Variants in DPYD observed in about 807,000 individuals in gnomAD.
DPYD encodes dihydropyrimidine dehydrogenase [NADP(+)].
In DPYD, 109 loss-of-function variants were observed where a neutral mutation model predicts 116.2. The observed-to-expected ratio is 0.94, with a 90% CI of 0.80 to 1.10. The LOEUF is 1.10. Ranked by LOEUF, DPYD falls within the 50% of genes least tolerant of loss-of-function variation. The pLI, the probability that DPYD is intolerant of heterozygous loss-of-function variation, is 0.00. For missense variants in DPYD, 1,302 were observed against 1,254.5 expected, an observed-to-expected ratio of 1.04 and a Z score of -0.57; for synonymous variants, 440 against 432.0, an observed-to-expected ratio of 1.02 and a Z score of -0.23.
chr1:97,495,243 GGA>G (rs1679198941), intron 13 of DPYD, among the ~76,000 whole-genome samples: 1 of 151,972 alleles, frequency 6.6e-6, no homozygotes, highest in African/African-American at 2.4e-5. Flanking sequence ...CAGATAAGCA[GGA>G]GAGAGAGAGA....
chr1:97,401,720 A>T (rs1256015442), intron 14 of DPYD, among the ~76,000 whole-genome samples: 2 of 152,140 alleles, frequency 1.3e-5, no homozygotes, highest in African/African-American at 4.8e-5. Context: ...ATTCAAGATC[A>T]TCTAGGTTTT....
At chr1:97,129,596 C>T (rs895481675) in intron 20 of DPYD, among the ~76,000 whole-genome samples, 4 of 152,094 alleles carry the variant, frequency 2.6e-5, no homozygotes, top group Admixed American at 6.6e-5. Flanking sequence ...CCTTCATTTC[C>T]GTGGCTCTTC....
In DPYD at chr1:97,673,015, C is replaced by T. The variant is rs191624795; in HGVS notation, c.850+6080G>A. Among the ~76,000 whole-genome samples, 7 of 152,230 alleles carry T rather than the reference C, an allele frequency of 4.6e-5. No individual in the cohort carries two copies. The East Asian group carries it at 1.2e-3, about 25-fold the overall frequency. ...TTCTTCTTGAGTATCAGCTTACCCT[C>T]TTCAAGAATCTTAAGTGAGATGCTG... is the stretch of plus-strand genomic sequence containing the variant. On this transcript the variant is annotated intron_variant, in intron 8 of 22. Transcript: ENST00000370192.
intron 10 of DPYD, among the ~76,000 whole-genome samples, chr1:97,582,675 T>C (rs1300005225): frequency 1.3e-5 from 2 of 152,204 alleles, no homozygotes; most frequent in African/African-American, 4.8e-5. Flanking sequence ...CATTCCTTCT[T>C]TTAGTACCTG....
At chr1:97,233,898 C>G (rs1411008044) in intron 19 of DPYD, among the ~76,000 whole-genome samples, 2 of 152,196 alleles carry the variant, frequency 1.3e-5, no homozygotes, top group Non-Finnish European at 2.9e-5. Flanking sequence ...AAGCAGAAGT[C>G]TGCCTCCATT....
intron 19 of DPYD, among the ~76,000 whole-genome samples, chr1:97,222,891 A>G (rs1030993010): frequency 6.6e-6 from 1 of 152,086 alleles, no homozygotes; most frequent in African/African-American, 2.4e-5. Context: ...TTTTTACTAC[A>G]TTTGTTACCC....
chr1:97,541,407 A>T (rs541514667), intron 12 of DPYD, among the ~76,000 whole-genome samples: 1 of 152,352 alleles, frequency 6.6e-6, no homozygotes, highest in African/African-American at 2.4e-5. Flanking sequence ...TGACTGCAGG[A>T]CAAACATAAA....
intron 16 of DPYD, among the ~76,000 whole-genome samples, chr1:97,320,621 G>T (rs1296872528): frequency 1.2e-5 from 1 of 84,306 alleles, no homozygotes; most frequent in Non-Finnish European, 2.4e-5. Flanking sequence ...ATGCTCATGG[G>T]TAGGAAGAGT....
intron 6 of DPYD, among the ~76,000 whole-genome samples, chr1:97,698,002 G>C (rs536141757): frequency 6.6e-6 from 1 of 152,026 alleles, no homozygotes; most frequent in East Asian, 1.9e-4. Flanking sequence ...ATTGTTAATA[G>C]ATTATGTTTT....
chr1:97,183,279 T>C (rs183234925), intron 20 of DPYD, among the ~76,000 whole-genome samples: 2 of 152,096 alleles, frequency 1.3e-5, no homozygotes, highest in Admixed American at 6.6e-5. Flanking sequence ...AAAATTACTT[T>C]TTTGTCCTGT....
intron 15 of DPYD, among the ~76,000 whole-genome samples, chr1:97,377,427 C>A (rs979784407): frequency 1.3e-5 from 2 of 152,092 alleles, no homozygotes; most frequent in African/African-American, 4.8e-5. Flanking sequence ...ACTTATCTAT[C>A]CATCCAAATA....
At chr1:97,125,097 A>C (rs1652733370) in intron 20 of DPYD, among the ~76,000 whole-genome samples, 1 of 152,176 alleles carries the variant, frequency 6.6e-6, no homozygotes, top group Non-Finnish European at 1.5e-5. Flanking sequence ...TAAACTAACA[A>C]GTGGGGAAGA....
At chr1:97,718,610 T>A (rs189310614) in intron 5 of DPYD, among the ~76,000 whole-genome samples, 1 of 152,042 alleles carries the variant, frequency 6.6e-6, no homozygotes, top group Non-Finnish European at 1.5e-5. Flanking sequence ...TGGGATTTTT[T>A]AATTTTAATA....
At chr1:97,752,348 T>C (rs997770797) in intron 3 of DPYD, among the ~76,000 whole-genome samples, 5 of 151,602 alleles carry the variant, frequency 3.3e-5, no homozygotes, top group African/African-American at 1.2e-4. Context: ...TAAATTTAAA[T>C]TCAATTTAAA....
Position 97,549,532 on chromosome 1 carries a change from T to C in DPYD, c.1524+28A>G, listed in dbSNP as rs533171913. The C allele has an allele frequency of 2.2e-4, 354 of 1,611,580 alleles. 3 individuals are homozygous for C. In the South Asian group the frequency reaches 3.6e-3, roughly 16 times the overall value. ...GAAGCACTTATCCATTGGAAAAGAA[T>C]TAAGTGGAAATGATGGCAAATGCCT... On this transcript the variant is annotated intron_variant, in intron 12 of 22. Transcript: ENST00000370192.
At chr1:97,407,083 T>C (rs1490168110) in intron 14 of DPYD, among the ~76,000 whole-genome samples, 1 of 152,188 alleles carries the variant, frequency 6.6e-6, no homozygotes, top group Non-Finnish European at 1.5e-5. Flanking sequence ...TCAGAGGCTT[T>C]AACAAATATT....
intron 11 of DPYD, among the ~76,000 whole-genome samples, chr1:97,559,578 A>G (rs1044375696): frequency 2.0e-5 from 3 of 152,214 alleles, no homozygotes; most frequent in African/African-American, 7.2e-5. Flanking sequence ...AACCAATTTC[A>G]TAAGTTCCTG....
chr1:97,674,157 A>G (rs1482228958), intron 8 of DPYD, among the ~76,000 whole-genome samples: 1 of 152,210 alleles, frequency 6.6e-6, no homozygotes, highest in Non-Finnish European at 1.5e-5. Flanking sequence ...AGGCCATAGC[A>G]GTATCCCAGT....
At chr1:97,104,042 C>T (rs900439961) in intron 20 of DPYD, among the ~76,000 whole-genome samples, 2 of 152,056 alleles carry the variant, frequency 1.3e-5, no homozygotes, top group African/African-American at 4.8e-5. Flanking sequence ...TTACCGATTA[C>T]CCTCCCTGCC....
Sources: allele counts gnomAD v4.1 joint callset (sites outside exome capture counted in the v4.1 genomes callset), GRCh38; gene constraint gnomAD v4.1.1; transcripts MANE v1.5; gene names NCBI Gene and HGNC (gene_info 2026-07-23, HGNC 2026-07-21).